The following CNTNAP5 variants were observed in gnomAD, a reference collection of about 807,000 sequenced individuals.
CNTNAP5 encodes the protein contactin associated protein family member 5, also known as contactin-associated protein-like 5.
In CNTNAP5, 72 loss-of-function variants were observed where a neutral mutation model predicts 150.2. The ratio of observed to expected loss-of-function variants is 0.48; its 90% CI spans 0.40 to 0.58. The LOEUF is 0.58. CNTNAP5 is among the 20% of genes least tolerant of loss of function. The pLI is 0.00. For missense variants in CNTNAP5, 1,636 were observed against 1,626.2 expected (o/e 1.01, Z -0.10); for synonymous variants, 672 against 619.8 (o/e 1.08, Z -1.25).
At chr2:124,353,576 C>T (rs1393405182) in intron 3 of CNTNAP5, among the ~76,000 whole-genome samples, 2 of 151,992 alleles carry the variant, frequency 1.3e-5, no homozygotes, top group African/African-American at 2.4e-5. Flanking sequence ...CTCAGGCAGG[C>T]GGAGTGAGAA....
chr2:124,461,515 A>T (rs1270547802), intron 6 of CNTNAP5, among the ~76,000 whole-genome samples: 1 of 94,994 alleles, frequency 1.1e-5, no homozygotes, highest in East Asian at 3.3e-4. Flanking sequence ...CATCACACTC[A>T]GGGGACTGTT....
chr2:124,563,295 A>G lies in CNTNAP5; in HGVS notation c.1728A>G (p.Thr576=). Residue 576 remains threonine, a synonymous_variant, in exon 11 of 24, where the codon ACA becomes ACG. Transcript: ENST00000682447. ...WTTFYCNCSD[T]SYTGATCHNS... ...CCTTCTATTGTAACTGCAGTGACAC[A>G]AGTTACACTGGTGCCACCTGCCACA... 6.4e-7 allele frequency: 1 copy of G among 1,568,892 alleles called. No homozygotes were observed. The highest frequency in any genetic ancestry group is 1.9e-5 in the Admixed American group (1 of 53,132).
At chr2:124,570,371 A>G (rs1441126589) in intron 11 of CNTNAP5, among the ~76,000 whole-genome samples, 3 of 152,136 alleles carry the variant, frequency 2.0e-5, no homozygotes, top group African/African-American at 7.2e-5. Context: ...CCATGAGCAA[A>G]GGCAAAGTGA....
rs987533574 is a variant in CNTNAP5, at chr2:124,222,645, ATATCT to A, written c.187+839_187+843del. On this transcript the variant is annotated intron_variant, in intron 2 of 23. Transcript: ENST00000682447. Reference sequence around the variant, plus strand: ...TTAATTTTGAGTATATTTTCCATTGATATCTTAAGTAGGTTACATTAGCAGGTTTT... The same window carrying A: ...TTAATTTTGAGTATATTTTCCATTGATAAGTAGGTTACATTAGCAGGTTTT... Among the ~76,000 whole-genome samples the A allele has an allele frequency of 3.3e-5, 5 of 151,124 alleles. 1 individual carries two copies. The highest frequency in any genetic ancestry group is 1.2e-4 in the African/African-American group (5 of 40,840).
At chr2:124,419,094 A>G (rs1692006127) in intron 4 of CNTNAP5, among the ~76,000 whole-genome samples, 2 of 129,222 alleles carry the variant, frequency 1.5e-5, no homozygotes, top group South Asian at 5.7e-4. Flanking sequence ...AGATTGCGCC[A>G]CTGCAGTCCG....
intron 11 of CNTNAP5, among the ~76,000 whole-genome samples, chr2:124,600,548 A>G (rs971726931): frequency 6.6e-5 from 10 of 152,142 alleles, no homozygotes; most frequent in African/African-American, 2.4e-4. Context: ...CACCTGCCGC[A>G]TCTCATGTAA....
intron 13 of CNTNAP5, among the ~76,000 whole-genome samples, chr2:124,679,860 G>T (rs1212758477): frequency 6.6e-6 from 1 of 151,756 alleles, no homozygotes; most frequent in Non-Finnish European, 1.5e-5. Flanking sequence ...CCACCTCATT[G>T]GCCTCATATC....
At chr2:124,627,807 C>T (rs182984242) in intron 12 of CNTNAP5, among the ~76,000 whole-genome samples, 1 of 152,186 alleles carries the variant, frequency 6.6e-6, no homozygotes, top group East Asian at 1.9e-4. Context: ...TGCAAAGGAG[C>T]TAAGAACCAT....
intron 19 of CNTNAP5, among the ~76,000 whole-genome samples, chr2:124,833,361 TGGA>T (rs776863782): frequency 2.1e-4 from 32 of 152,092 alleles, no homozygotes; most frequent in Admixed American, 6.6e-4. Context: ...TCTGCAAATG[TGGA>T]GGAGATGCAG....
chr2:124,714,372 C>G (rs34774988), intron 13 of CNTNAP5, among the ~76,000 whole-genome samples: 2 of 152,010 alleles, frequency 1.3e-5, no homozygotes, highest in African/African-American at 4.8e-5. Flanking sequence ...ATAATTGGCT[C>G]AAAGAGAGAC....
intron 1 of CNTNAP5, among the ~76,000 whole-genome samples, chr2:124,186,009 T>A (rs1007779260): frequency 2.0e-5 from 3 of 152,256 alleles, no homozygotes; most frequent in African/African-American, 7.2e-5. Context: ...GTTTACTATG[T>A]ATTGTATAGA....
chr2:124,082,222 G>A (rs548753801), intron 1 of CNTNAP5, among the ~76,000 whole-genome samples: 39 of 151,884 alleles, frequency 2.6e-4, no homozygotes, highest in African/African-American at 7.5e-4. Context: ...GGTGGCAGGC[G>A]CCTGTAGTCC....
chr2:124,650,312 C>T (rs1678294581), intron 13 of CNTNAP5, among the ~76,000 whole-genome samples: 1 of 152,170 alleles, frequency 6.6e-6, no homozygotes, highest in Admixed American at 6.5e-5. Context: ...CAAGAGAGTC[C>T]TCATTTACCC....
intron 13 of CNTNAP5, among the ~76,000 whole-genome samples, chr2:124,653,911 A>ACCCCCCCCCCCCCCCCCCCC (rs70996088): frequency 5.2e-5 from 3 of 57,482 alleles, no homozygotes; most frequent in Non-Finnish European, 1.0e-4. Flanking sequence ...ACTGCCCCCA[A>ACCCCCCCCCCCCCCCCCCCC]CCCCCCCCCC....
intron 1 of CNTNAP5, among the ~76,000 whole-genome samples, chr2:124,175,727 C>A: frequency 6.6e-6 from 1 of 152,188 alleles, no homozygotes; most frequent in Non-Finnish European, 1.5e-5. Context: ...ATGATGGCTT[C>A]CAGCTACATC....
chr2:124,822,949 G>A (rs541388881), intron 19 of CNTNAP5, among the ~76,000 whole-genome samples: 64 of 152,314 alleles, frequency 4.2e-4, no homozygotes, highest in Middle Eastern at 3.4e-3. Flanking sequence ...ACCAATGTGT[G>A]ACCATCATCA....
chr2:124,358,532 A>G (rs1357990269), intron 3 of CNTNAP5, among the ~76,000 whole-genome samples: 4 of 152,142 alleles, frequency 2.6e-5, no homozygotes, highest in Admixed American at 6.5e-5. Context: ...GAATTTTGTC[A>G]AAGGCTTTTT....
rs535421814 is a variant in CNTNAP5 at position 124,281,037 on chromosome 2, G to A, written c.381+38644G>A. Among the ~76,000 whole-genome samples, 8 of 152,152 alleles carry A rather than the reference G, an allele frequency of 5.3e-5. No homozygotes were observed. In the South Asian group the frequency reaches 1.7e-3, roughly 32 times the overall value. On this transcript the variant is annotated intron_variant, in intron 3 of 23. Transcript: ENST00000682447. ...TTTAAACCAAAAATTTTGTCCTAAT[G>A]ATGTAAATAAAATATATTTAATTAA... is the stretch of plus-strand genomic sequence containing the variant.
chr2:124,466,025 C>T (rs1240601483), intron 6 of CNTNAP5, among the ~76,000 whole-genome samples: 3 of 152,208 alleles, frequency 2.0e-5, no homozygotes, highest in Admixed American at 6.5e-5. Context: ...GCTTGCTCAG[C>T]GTATTGATCT....
Sources: allele counts gnomAD v4.1 joint callset (sites outside exome capture counted in the v4.1 genomes callset), GRCh38; gene constraint gnomAD v4.1.1; transcripts MANE v1.5; gene names NCBI Gene and HGNC (gene_info 2026-07-23, HGNC 2026-07-21).